Variants in RPS6KA5 observed in about 807,000 individuals in gnomAD.
RPS6KA5 encodes ribosomal protein S6 kinase A5.
In RPS6KA5, 27 loss-of-function variants were observed where a neutral mutation model predicts 85.5. The observed-to-expected ratio is 0.32, with a 90% CI of 0.23 to 0.44. The LOEUF (loss-of-function observed/expected upper bound fraction) is 0.44, where lower values mean the gene tolerates loss of function less well. RPS6KA5 is among the 20% of genes least tolerant of loss of function. RPS6KA5 has a pLI of 1.00. For synonymous variants in RPS6KA5, 334 were observed against 348.2 expected (o/e 0.96, Z 0.46); for missense variants, 811 against 980.9 (o/e 0.83, Z 2.31).
intron 5 of RPS6KA5, among the ~76,000 whole-genome samples, chr14:90,942,735 T>C (rs2037639089): frequency 6.6e-6 from 1 of 152,238 alleles, no homozygotes; most frequent in Non-Finnish European, 1.5e-5. Flanking sequence ...TTTATGATTC[T>C]TTATTGGCCA....
intron 1 of RPS6KA5, among the ~76,000 whole-genome samples, chr14:91,050,027 A>G (rs2043011930): frequency 6.6e-6 from 1 of 152,260 alleles, no homozygotes; most frequent in African/African-American, 2.4e-5. Flanking sequence ...ATATACATTT[A>G]CATATGTATA....
chr14:90,924,168 T>C (rs1036559685), intron 5 of RPS6KA5, among the ~76,000 whole-genome samples: 7 of 152,264 alleles, frequency 4.6e-5, no homozygotes, highest in Non-Finnish European at 8.8e-5. Flanking sequence ...CTGAGAATAG[T>C]AGTAAATAAA....
At chr14:90,888,892 A>G (rs1322073614) in intron 14 of RPS6KA5, among the ~76,000 whole-genome samples, 1 of 152,234 alleles carries the variant, frequency 6.6e-6, no homozygotes, top group Non-Finnish European at 1.5e-5. Context: ...ACACACCAGA[A>G]AAAACATTTC....
chr14:90,913,556 T>C (rs2035947690), intron 7 of RPS6KA5, among the ~76,000 whole-genome samples: 2 of 152,230 alleles, frequency 1.3e-5, no homozygotes, highest in Admixed American at 1.3e-4. Context: ...TTGGTGGAGC[T>C]ACTAGACTGG....
intron 5 of RPS6KA5, among the ~76,000 whole-genome samples, chr14:90,927,941 T>TCTTTTC (rs397725678): frequency 2.2e-5 from 3 of 139,050 alleles, no homozygotes; most frequent in Admixed American, 1.4e-4. Flanking sequence ...TCTTTTCTTT[T>TCTTTTC]TTTTTTTTTT....
chr14:90,994,532 C>T (rs1486672939), intron 2 of RPS6KA5, among the ~76,000 whole-genome samples: 5 of 145,350 alleles, frequency 3.4e-5, no homozygotes, highest in African/African-American at 1.3e-4. Context: ...TTCTTTCACT[C>T]ATAGTGCTTT....
At chr14:91,022,853 G>A (rs1416274636) in intron 1 of RPS6KA5, among the ~76,000 whole-genome samples, 6 of 152,094 alleles carry the variant, frequency 3.9e-5, no homozygotes, top group African/African-American at 1.2e-4. Flanking sequence ...TTGGGAGGCC[G>A]AGGCAGGCAG....
Position 91,022,583 on chromosome 14 carries a change from C to T in RPS6KA5, c.104-21424G>A, listed in dbSNP as rs144934656. Among the ~76,000 whole-genome samples the T allele has an allele frequency of 1.1e-4, 16 of 152,276 alleles. No homozygotes were observed. In the East Asian group the frequency reaches 3.1e-3, roughly 29 times the overall value. ...CTCAGTTTCCTACCACATTTTTAGA[C>T]TGGAAATAAATGCCTGAATTTGAAA... On this transcript the variant is annotated intron_variant, in intron 1 of 16. Coordinates refer to ENST00000614987, the MANE Select transcript of RPS6KA5 (RefSeq NM_004755.4).
rs61230626 is a variant in RPS6KA5, at chr14:90,863,302, CAAAAAAAAAAAAAAAAAA to C, written c.*8754_*8771del. On this transcript the variant is annotated 3_prime_UTR_variant, in exon 17 of 17. Transcript: ENST00000614987. The stretch of plus-strand genomic sequence containing the variant: ...TGGGTGGCAGAGCGAGACTCCGTCT[CAAAAAAAAAAAAAAAAAA>C]AAAAAAAAAAGAAAAGAAAAGAAAA... 1 of 24,806 alleles carries C rather than the reference CAAAAAAAAAAAAAAAAAA, an allele frequency of 4.0e-5. No individual in the cohort carries two copies. The highest frequency in any genetic ancestry group is 1.1e-4 in the African/African-American group (1 of 9,120). The allele number at this position is 24,806 out of a possible 1,614,324, so 1.5% of individuals were successfully genotyped here.
At chr14:91,046,918 G>A (rs1377835880) in intron 1 of RPS6KA5, among the ~76,000 whole-genome samples, 1 of 152,024 alleles carries the variant, frequency 6.6e-6, no homozygotes, top group Non-Finnish European at 1.5e-5. Context: ...GCTTACGCCT[G>A]TAATCGCAGC....
At chr14:90,874,967 T>C (rs1299442415) in intron 15 of RPS6KA5, among the ~76,000 whole-genome samples, 2 of 152,174 alleles carry the variant, frequency 1.3e-5, no homozygotes, top group Admixed American at 1.3e-4. Flanking sequence ...GTTTTAGATG[T>C]GCTTGACTGA....
At chr14:90,988,311 G>C (rs1178939476) in intron 2 of RPS6KA5, among the ~76,000 whole-genome samples, 3 of 152,304 alleles carry the variant, frequency 2.0e-5, no homozygotes, top group African/African-American at 7.2e-5. Context: ...TATTACATCA[G>C]CTCTTTTAGA....
chr14:91,056,691 G>C (rs1310504732), intron 1 of RPS6KA5, among the ~76,000 whole-genome samples: 1 of 152,134 alleles, frequency 6.6e-6, no homozygotes, highest in African/African-American at 2.4e-5. Context: ...CAGTATGTAA[G>C]AGGAAATAAA....
rs191380460 is a variant in RPS6KA5, at chr14:90,918,189, A to G, written c.806+2017T>C. ...CCAGTTCCTCTAAGTCTTTATCAGC[A>G]CTTGGTATTATCAGTCTCTTTATTT... On this transcript the variant is annotated intron_variant, in intron 7 of 16. Transcript: ENST00000614987. Among the ~76,000 whole-genome samples the G allele has an allele frequency of 2.0e-3, 301 of 152,282 alleles. 3 individuals carry two copies. The highest frequency in any genetic ancestry group is 3.2e-3 in the Non-Finnish European group (218 of 68,028).
At chr14:90,954,016 C>T (rs1170189251) in intron 3 of RPS6KA5, among the ~76,000 whole-genome samples, 1 of 152,180 alleles carries the variant, frequency 6.6e-6, no homozygotes, top group Non-Finnish European at 1.5e-5. Context: ...CTAACACCCC[C>T]TCCCCTTTTG....
intron 4 of RPS6KA5, among the ~76,000 whole-genome samples, chr14:90,943,998 G>A (rs1041028366): frequency 2.0e-5 from 3 of 152,170 alleles, no homozygotes; most frequent in Non-Finnish European, 2.9e-5. Flanking sequence ...GATTACAGGT[G>A]TGAGCCACTG....
chr14:91,022,988 G>A (rs2041845815), intron 1 of RPS6KA5, among the ~76,000 whole-genome samples: 4 of 150,648 alleles, frequency 2.7e-5, no homozygotes, highest in Admixed American at 6.7e-5. Context: ...AGGAGGCTGG[G>A]GCAGGAGAAT....
intron 1 of RPS6KA5, among the ~76,000 whole-genome samples, chr14:91,052,939 T>C (rs954651924): frequency 1.3e-5 from 2 of 151,656 alleles, no homozygotes; most frequent in African/African-American, 2.4e-5. Context: ...ACTACAAAGA[T>C]TTCTTATGGA....
chr14:91,052,097 T>C (rs2043105823), intron 1 of RPS6KA5, among the ~76,000 whole-genome samples: 1 of 151,656 alleles, frequency 6.6e-6, no homozygotes, highest in Admixed American at 6.6e-5. Context: ...TTATCCCAGG[T>C]CATATAGCAA....
Sources: allele counts gnomAD v4.1 joint callset (sites outside exome capture counted in the v4.1 genomes callset), GRCh38; gene constraint gnomAD v4.1.1; transcripts MANE v1.5; gene names NCBI Gene and HGNC (gene_info 2026-07-23, HGNC 2026-07-21).